Variants in NDUFA5 observed in about 807,000 individuals in gnomAD.
The protein encoded by NDUFA5 is NADH:ubiquinone oxidoreductase subunit A5.
NDUFA5 carries 11 observed loss-of-function variants against 19.8 expected under a neutral mutation model. The ratio of observed to expected loss-of-function variants is 0.56; its 90% CI spans 0.35 to 0.92. The LOEUF (loss-of-function observed/expected upper bound fraction) is 0.92, where lower values mean the gene tolerates loss of function less well. NDUFA5 is among the 40% of genes least tolerant of loss of function. NDUFA5 has a pLI of 0.01. For missense variants in NDUFA5, 109 were observed against 134.2 expected (o/e 0.81, Z 0.93); for synonymous variants, 47 against 46.8 (o/e 1.00, Z -0.01).
chr7:123,563,178 C>A, the NDUFA5 span, among the ~76,000 whole-genome samples: 4 of 152,154 alleles, frequency 2.6e-5, no homozygotes, highest in Non-Finnish European at 5.9e-5. Flanking sequence ...TTTGTATTCA[C>A]AGCTTGGCTA....
rs1797864363 is a variant in NDUFA5 at position 123,539,732 on chromosome 7, T to C, written c.*2387A>G. On this transcript the variant is annotated 3_prime_UTR_variant, in exon 5 of 5. Coordinates refer to ENST00000355749, the MANE Select transcript of NDUFA5 (RefSeq NM_005000.5). ...ACAGGAGAAAGAACCAATGACCAAATTGCAATACCTTTTAGATACCTATCC... is the reference window on the plus strand; with the variant it reads ...ACAGGAGAAAGAACCAATGACCAAACTGCAATACCTTTTAGATACCTATCC... 6.6e-6 allele frequency: 1 copy of C among 152,184 alleles called. No homozygotes were observed. Among genetic ancestry groups the C allele is most frequent in the Admixed American group, 6.5e-5 (1 of 15,278 alleles). 9.4% of individuals were successfully genotyped at this position (152,184 alleles called of 1,614,324 possible).
At chr7:123,584,308 C>CA in the NDUFA5 span, among the ~76,000 whole-genome samples, 417 of 99,490 alleles carry the variant, frequency 4.2e-3, 4 homozygotes, top group African/African-American at 0.012. Flanking sequence ...AAGGCCTTGT[C>CA]AAAAAAAAAA....
chr7:123,571,785 G>C, the NDUFA5 span, among the ~76,000 whole-genome samples: 1 of 152,150 alleles, frequency 6.6e-6, no homozygotes, highest in Non-Finnish European at 1.5e-5. Context: ...AGTCCCACTT[G>C]TCTATTTTTG....
intron 2 of NDUFA5, among the ~76,000 whole-genome samples, chr7:123,553,662 G>A (rs1341461162): frequency 6.6e-6 from 1 of 152,212 alleles, no homozygotes; most frequent in Admixed American, 6.5e-5. Context: ...GGTTAAGGGT[G>A]TGCTAACCAG....
At chr7:123,548,408 G>A (rs1052327485) in intron 3 of NDUFA5, among the ~76,000 whole-genome samples, 2 of 152,078 alleles carry the variant, frequency 1.3e-5, no homozygotes, top group Admixed American at 6.6e-5. Context: ...CAGCATGAAG[G>A]TACAATGGAA....
the NDUFA5 span, among the ~76,000 whole-genome samples, chr7:123,580,723 C>T: frequency 1.3e-5 from 2 of 151,990 alleles, no homozygotes; most frequent in African/African-American, 4.8e-5. Context: ...CATAACCTCA[C>T]CCAAGCAACC....
the NDUFA5 span, among the ~76,000 whole-genome samples, chr7:123,569,843 C>CA: frequency 6.6e-6 from 1 of 151,774 alleles, no homozygotes; most frequent in Non-Finnish European, 1.5e-5. Context: ...TGGCAAGTTA[C>CA]AAAAAAGAGG....
the NDUFA5 span, among the ~76,000 whole-genome samples, chr7:123,583,827 C>T: frequency 6.6e-6 from 1 of 151,806 alleles, no homozygotes; most frequent in South Asian, 2.1e-4. Context: ...GGAAGTGTAG[C>T]CAGTTAGTGA....
At chr7:123,590,763 G>C in the NDUFA5 span, among the ~76,000 whole-genome samples, 1 of 152,110 alleles carries the variant, frequency 6.6e-6, no homozygotes, top group Non-Finnish European at 1.5e-5. Flanking sequence ...ATTTGCTTAG[G>C]ATTGTCTTGG....
In NDUFA5 at chr7:123,538,900, T is replaced by A. The variant is rs926475531; in HGVS notation, c.*3219A>T. Reference sequence around the variant, plus strand: ...GGGAATTTTCCTATATATTGTCATCTCCCTTTTAAAAAAGATACATTCATA... The same window carrying A: ...GGGAATTTTCCTATATATTGTCATCACCCTTTTAAAAAAGATACATTCATA... On this transcript the variant is annotated 3_prime_UTR_variant, in exon 5 of 5. Transcript: ENST00000355749. The A allele has an allele frequency of 6.6e-6, 1 of 152,226 alleles. No homozygotes were observed. The highest frequency in any genetic ancestry group is 1.5e-5 in the Non-Finnish European group (1 of 68,042). The allele number at this position is 152,226 out of a possible 1,614,324, so 9.4% of individuals were successfully genotyped here.
intron 2 of NDUFA5, chr7:123,554,552 C>A (rs889049175): frequency 6.6e-6 from 1 of 152,066 alleles, no homozygotes; most frequent in African/African-American, 2.4e-5. Context: ...CACTATCCCA[C>A]TCTATCCTTT....
chr7:123,600,613 G>C, the NDUFA5 span, among the ~76,000 whole-genome samples: 1 of 152,156 alleles, frequency 6.6e-6, no homozygotes, highest in Non-Finnish European at 1.5e-5. Flanking sequence ...TGTAGACAAT[G>C]TATGCAATGA....
At chr7:123,585,604 T>C in the NDUFA5 span, among the ~76,000 whole-genome samples, 4 of 151,478 alleles carry the variant, frequency 2.6e-5, no homozygotes, top group African/African-American at 9.7e-5. Context: ...CCAAGCTAAT[T>C]AACATATCCA....
At chr7:123,563,068 T>G in the NDUFA5 span, among the ~76,000 whole-genome samples, 4 of 152,176 alleles carry the variant, frequency 2.6e-5, no homozygotes, top group Non-Finnish European at 2.9e-5. Context: ...CTGAATGTGC[T>G]GGGGTTACAG....
Position 123,537,312 on chromosome 7 carries a change from TA to T in NDUFA5, c.*4806del, listed in dbSNP as rs1327334132. The T allele has an allele frequency of 1.3e-5, 2 of 152,170 alleles. No individual in the cohort carries two copies. Among genetic ancestry groups the T allele is most frequent in the East Asian group, 3.8e-4 (2 of 5,202 alleles). The allele number at this position is 152,170 out of a possible 1,614,324, so 9.4% of individuals were successfully genotyped here. A position where few individuals can be genotyped will look rare whatever the true frequency, so the allele number is the denominator to read the frequency against. On this transcript the variant is annotated 3_prime_UTR_variant, in exon 5 of 5. Transcript: ENST00000355749. The stretch of plus-strand genomic sequence containing the variant: ...AGTATCTCCTGTTGTTACTACAGGT[TA>T]AAATGAATAATGAATATTTTTAATA...
At position 123,538,823 on chromosome 7, in the gene NDUFA5, A is replaced by C. The variant is rs1797829302; in HGVS notation, c.*3296T>G. 6.6e-6 allele frequency: 1 copy of C among 152,240 alleles called. No homozygotes were observed. Among genetic ancestry groups the C allele is most frequent in the Non-Finnish European group, 1.5e-5 (1 of 68,044 alleles). 9.4% of individuals were successfully genotyped at this position (152,240 alleles called of 1,614,324 possible). ...GGGTGTTAGACTTCTGTATGTTTAC[A>C]TAATCATAGAGGATGGGAGGAAAAA... On this transcript the variant is annotated 3_prime_UTR_variant, in exon 5 of 5. Coordinates refer to ENST00000355749, the MANE Select transcript of NDUFA5 (RefSeq NM_005000.5).
the NDUFA5 span, among the ~76,000 whole-genome samples, chr7:123,575,326 C>A: frequency 1.3e-5 from 2 of 152,026 alleles, no homozygotes; most frequent in East Asian, 1.9e-4. Context: ...AGTAAAACAC[C>A]GCCTTTCTTA....
At chr7:123,561,048 T>C (rs1798681303), upstream of NDUFA5, among the ~76,000 whole-genome samples, 1 of 152,224 alleles carries the variant, frequency 6.6e-6, no homozygotes, top group South Asian at 2.1e-4. Context: ...AAGATCTAAA[T>C]AAATAGACAT....
the NDUFA5 span, among the ~76,000 whole-genome samples, chr7:123,582,247 A>G: frequency 6.6e-6 from 1 of 151,976 alleles, no homozygotes; most frequent in African/African-American, 2.4e-5. Context: ...TCCCTGTGGA[A>G]GGAAGGATGT....
Sources: allele counts gnomAD v4.1 joint callset (sites outside exome capture counted in the v4.1 genomes callset), GRCh38; gene constraint gnomAD v4.1.1; transcripts MANE v1.5; gene names NCBI Gene and HGNC (gene_info 2026-07-23, HGNC 2026-07-21).